The following FLRT2 variants were observed in gnomAD, a reference collection of about 807,000 sequenced individuals.
FLRT2 encodes the protein fibronectin leucine rich transmembrane protein 2, also known as leucine-rich repeat transmembrane protein FLRT2.
A neutral mutation model predicts 40.0 loss-of-function variants in FLRT2; 15 were observed. That is an observed-to-expected ratio of 0.38 (90% CI 0.25 to 0.58). The LOEUF (loss-of-function observed/expected upper bound fraction) is 0.58. FLRT2 is among the 20% of genes least tolerant of loss of function. The probability of loss-of-function intolerance (pLI) is 0.71; values close to 1 mark genes in which losing one functional copy is unlikely to be tolerated. For synonymous variants in FLRT2, 380 were observed against 336.8 expected (o/e 1.13, Z -1.41); for missense variants, 726 against 840.0 (o/e 0.86, Z 1.68).
intron 1 of FLRT2, among the ~76,000 whole-genome samples, chr14:85,546,515 C>T (rs1285918552): frequency 6.6e-6 from 1 of 152,150 alleles, no homozygotes; most frequent in Non-Finnish European, 1.5e-5. Context: ...CAGCCAGCTC[C>T]ATTACCACAT....
rs1894214897 is a variant in FLRT2 at position 85,643,399 on chromosome 14, T to C, written c.*19902T>C. On this transcript the variant is annotated 3_prime_UTR_variant, in exon 2 of 2. Coordinates refer to ENST00000330753, the MANE Select transcript of FLRT2 (RefSeq NM_013231.6). Reference sequence around the variant, plus strand: ...CCTTTCTTTCCTTTCTCCTTTTTCTTTTTTTTGTTTTGAGACAGGTTCTCT... The same window carrying C: ...CCTTTCTTTCCTTTCTCCTTTTTCTCTTTTTTGTTTTGAGACAGGTTCTCT... The C allele has an allele frequency of 7.0e-6, 1 of 142,868 alleles. No individual in the cohort carries two copies. Among genetic ancestry groups the C allele is most frequent in the African/African-American group, 2.7e-5 (1 of 37,692 alleles). 8.9% of individuals were successfully genotyped at this position (142,868 alleles called of 1,614,324 possible). A position where few individuals can be genotyped will look rare whatever the true frequency, so the allele number is the denominator to read the frequency against.
intron 1 of FLRT2, among the ~76,000 whole-genome samples, chr14:85,569,071 T>C (rs935462921): frequency 1.3e-5 from 2 of 152,184 alleles, no homozygotes; most frequent in African/African-American, 4.8e-5. Context: ...AACTCTTCAC[T>C]GAAACAAAGA....
At chr14:85,557,533 A>G (rs1890046775) in intron 1 of FLRT2, among the ~76,000 whole-genome samples, 1 of 152,320 alleles carries the variant, frequency 6.6e-6, no homozygotes, top group Admixed American at 6.5e-5. Flanking sequence ...AAGCACGGCA[A>G]GGCGCGGTGG....
In FLRT2 at chr14:85,622,145, G is replaced by A. The variant is rs759376178; in HGVS notation, c.631G>A (p.Val211Met). 1.1e-5 allele frequency: 18 copies of A among 1,614,122 alleles called. No individual in the cohort carries two copies. The highest frequency in any genetic ancestry group is 1.4e-5 in the Non-Finnish European group (16 of 1,180,020). The change falls in exon 2 of 2, where the codon GTG (valine) becomes ATG (methionine). Residue 211 changes from valine (V) to methionine (M), a missense_variant. This residue lies in a region of FLRT2 where 611 missense variants were observed against 690.0 expected (regional missense o/e 0.89). Coordinates refer to ENST00000330753, the MANE Select transcript of FLRT2 (RefSeq NM_013231.6). The stretch of plus-strand genomic sequence containing the variant: ...TCTCACGAGCTTGGAGCGTCTTATT[G>A]TGGACGGGAACCTCCTGACCAACAA... ...QNLTSLERLI[V>M]DGNLLTNKGI...
At chr14:85,596,750 C>T (rs1892157296) in intron 1 of FLRT2, among the ~76,000 whole-genome samples, 1 of 152,110 alleles carries the variant, frequency 6.6e-6, no homozygotes, top group Admixed American at 6.6e-5. Flanking sequence ...GTGCATCTGG[C>T]ACAGATGAGA....
At chr14:85,566,558 T>TGTGTGTGTGC (rs71120520) in intron 1 of FLRT2, among the ~76,000 whole-genome samples, 41,985 of 150,926 alleles carry the variant, frequency 0.28, 6,474 homozygotes, top group Middle Eastern at 0.39. Context: ...GTTGTGTGTG[T>TGTGTGTGTGC]GTGTGTGTGT....
chr14:85,599,842 T>C (rs1369268393), intron 1 of FLRT2, among the ~76,000 whole-genome samples: 2 of 152,026 alleles, frequency 1.3e-5, no homozygotes, highest in Admixed American at 6.6e-5. Context: ...GTCACATAGC[T>C]AGGAAGTGTT....
At chr14:85,611,909 C>CGT (rs1892886518) in intron 1 of FLRT2, among the ~76,000 whole-genome samples, 2 of 132,878 alleles carry the variant, frequency 1.5e-5, no homozygotes, top group African/African-American at 2.7e-5. Context: ...AGCGCGCGTG[C>CGT]GCGAAAGCGT....
intron 1 of FLRT2, among the ~76,000 whole-genome samples, chr14:85,553,903 G>A (rs760116493): frequency 6.6e-6 from 1 of 152,166 alleles, no homozygotes; most frequent in Non-Finnish European, 1.5e-5. Flanking sequence ...GATGGACACA[G>A]TTGTCCAAAC....
intron 1 of FLRT2, among the ~76,000 whole-genome samples, chr14:85,537,373 G>A (rs922599276): frequency 6.6e-6 from 1 of 151,902 alleles, no homozygotes; most frequent in Admixed American, 6.6e-5. Flanking sequence ...TTTCCCTTGG[G>A]CAATTTTTAC....
chr14:85,564,011 C>G (rs771921134), intron 1 of FLRT2, among the ~76,000 whole-genome samples: 1 of 152,088 alleles, frequency 6.6e-6, no homozygotes, highest in South Asian at 2.1e-4. Flanking sequence ...TTGACACTTA[C>G]GTGGACAGCC....
At chr14:85,544,296 A>T (rs1156248500) in intron 1 of FLRT2, among the ~76,000 whole-genome samples, 2 of 152,198 alleles carry the variant, frequency 1.3e-5, no homozygotes, top group African/African-American at 4.8e-5. Flanking sequence ...TTAAAGAATA[A>T]TAATTTCGCT....
chr14:85,622,324 A>G lies in FLRT2; in HGVS notation c.810A>G (p.Thr270=). 1 of 1,614,122 alleles carries G rather than the reference A, an allele frequency of 6.2e-7. No homozygotes were observed. The highest frequency in any genetic ancestry group is 8.5e-7 in the Non-Finnish European group (1 of 1,180,020). ...ACCAGATAAACCACATTCCTTTGAC[A>G]GCCTTCTCAAATCTGCGTAAGCTGG... ...QDNQINHIPL[T]AFSNLRKLER... Residue 270 remains threonine, a synonymous_variant, in exon 2 of 2, where the codon ACA becomes ACG. Transcript: ENST00000330753.
chr14:85,585,175 T>C (rs1038980555), intron 1 of FLRT2, among the ~76,000 whole-genome samples: 2 of 152,140 alleles, frequency 1.3e-5, no homozygotes, highest in East Asian at 3.9e-4. Context: ...ACCTAATGCA[T>C]GTCCAGTCAT....
intron 1 of FLRT2, among the ~76,000 whole-genome samples, chr14:85,573,441 T>TG (rs1483120657): frequency 6.6e-6 from 1 of 152,204 alleles, no homozygotes; most frequent in Non-Finnish European, 1.5e-5. Flanking sequence ...TCTGATAAAA[T>TG]GAAGAAGCAG....
At chr14:85,619,000 A>G (rs1893263248) in intron 1 of FLRT2, among the ~76,000 whole-genome samples, 1 of 152,192 alleles carries the variant, frequency 6.6e-6, no homozygotes, top group Non-Finnish European at 1.5e-5. Flanking sequence ...TTAAGTTTAT[A>G]GAGAGGTTTC....
intron 1 of FLRT2, among the ~76,000 whole-genome samples, chr14:85,546,536 G>A (rs1889290441): frequency 6.6e-6 from 1 of 152,194 alleles, no homozygotes; most frequent in Non-Finnish European, 1.5e-5. Context: ...GAAAGCACCA[G>A]CAGCATTTGG....
In FLRT2 at chr14:85,630,429, C is replaced by T. The variant is rs189390295; in HGVS notation, c.*6932C>T. The stretch of plus-strand genomic sequence containing the variant: ...TTCCTAATATAAAAAACTATGCTGG[C>T]TCAAAAAGTCTTCTAAACTCCCTAG... On this transcript the variant is annotated 3_prime_UTR_variant, in exon 2 of 2. Transcript: ENST00000330753. 6.6e-5 allele frequency: 10 copies of T among 151,812 alleles called. No individual in the cohort carries two copies. The highest frequency in any genetic ancestry group is 9.7e-5 in the African/African-American group (4 of 41,414). The allele number at this position is 151,812 out of a possible 1,614,324, so 9.4% of individuals were successfully genotyped here. A position where few individuals can be genotyped will look rare whatever the true frequency, so the allele number is the denominator to read the frequency against.
chr14:85,589,210 C>G (rs1950182), intron 1 of FLRT2, among the ~76,000 whole-genome samples: 71,965 of 152,036 alleles, frequency 0.47, 18,089 homozygotes, highest in East Asian at 0.65. Flanking sequence ...AGTGGTTATG[C>G]TAACCTGCAT....
Sources: gnomAD v4.1 joint callset for allele counts (sites outside exome capture counted in the v4.1 genomes callset) on GRCh38, gnomAD v4.1.1 for gene constraint, gnomAD v4.1.1 regional missense constraint, MANE v1.5 for transcripts, NCBI Gene and HGNC (gene_info 2026-07-23, HGNC 2026-07-21) for gene names.